Variants in MAGI1 observed in about 807,000 individuals in gnomAD.
MAGI1 encodes the protein membrane associated guanylate kinase, WW and PDZ domain containing 1, also known as membrane-associated guanylate kinase, WW and PDZ domain-containing protein 1.
MAGI1 carries 58 observed loss-of-function variants against 139.9 expected under a neutral mutation model. The observed-to-expected ratio is 0.41, with a 90% confidence interval of 0.34 to 0.52. The LOEUF is 0.52. MAGI1 is among the 20% of genes least tolerant of loss of function. The pLI is 0.12. For synonymous variants in MAGI1, 812 were observed against 737.9 expected (o/e 1.10, Z -1.63); for missense variants, 1,874 against 1,901.6 (o/e 0.99, Z 0.27).
At position 65,428,008 on chromosome 3, in the gene MAGI1, A is replaced by G. The variant is rs560178459; in HGVS notation, c.2167+1512T>C. Among the ~76,000 whole-genome samples, 34 of 152,324 alleles carry G rather than the reference A, an allele frequency of 2.2e-4. No individual in the cohort carries two copies. In the East Asian group the frequency reaches 6.0e-3, roughly 27 times the overall value. ...TTTTAAAAAAAATAAAATTTGCACA[A>G]TGCCTTTTATAACTGCCTAAGCCAG... On this transcript the variant is annotated intron_variant, in intron 12 of 22. Coordinates refer to ENST00000402939, the MANE Select transcript of MAGI1 (RefSeq NM_001033057.2).
chr3:65,687,557 G>T, intron 1 of MAGI1: 1 of 373,688 alleles, frequency 2.7e-6, no homozygotes, highest in Non-Finnish European at 5.4e-6. Flanking sequence ...CAATGTGATT[G>T]ACAATCTGTG....
chr3:65,432,557 G>A (rs933227086), intron 10 of MAGI1, among the ~76,000 whole-genome samples: 63 of 152,252 alleles, frequency 4.1e-4, no homozygotes, highest in African/African-American at 1.2e-3. Flanking sequence ...GCTCTCTAGC[G>A]CAGTCCCAAA....
chr3:65,693,687 A>C (rs1349012809), intron 1 of MAGI1, among the ~76,000 whole-genome samples: 1 of 146,298 alleles, frequency 6.8e-6, no homozygotes, highest in African/African-American at 2.5e-5. Flanking sequence ...CAGGGTATCC[A>C]TATTCAGAAC....
At chr3:65,887,431 G>A (rs9876471) in intron 1 of MAGI1, among the ~76,000 whole-genome samples, 16,979 of 143,986 alleles carry the variant, frequency 0.12, 1,112 homozygotes, top group African/African-American at 0.17. Context: ...GGGGAAATAA[G>A]ATTTCTATCT....
intron 2 of MAGI1, among the ~76,000 whole-genome samples, chr3:65,613,610 C>G (rs2083227059): frequency 6.6e-6 from 1 of 152,114 alleles, no homozygotes; most frequent in Non-Finnish European, 1.5e-5. Context: ...CACTCAGCAA[C>G]TATACAATGG....
chr3:65,450,563 T>C (rs1948971487), intron 6 of MAGI1, among the ~76,000 whole-genome samples: 2 of 152,172 alleles, frequency 1.3e-5, no homozygotes, highest in African/African-American at 2.4e-5. Flanking sequence ...TCATCAGTTT[T>C]AATGGTTTTA....
In MAGI1 at chr3:65,453,239, G is replaced by C; in HGVS notation, c.1042+19C>G. ...AGTGCCCCCAATTCACTTAACCCAAGACCTGCCTGGCCCCTTACCATCATC... is the reference window on the plus strand; with the variant it reads ...AGTGCCCCCAATTCACTTAACCCAACACCTGCCTGGCCCCTTACCATCATC... On this transcript the variant is annotated intron_variant, in intron 6 of 22. Transcript: ENST00000402939. 6.2e-7 allele frequency: 1 copy of C among 1,612,220 alleles called. No individual in the cohort carries two copies. Among genetic ancestry groups the C allele is most frequent in the Non-Finnish European group, 8.5e-7 (1 of 1,178,682 alleles).
chr3:65,501,349 G>A (rs963742451), intron 2 of MAGI1, among the ~76,000 whole-genome samples: 1 of 145,794 alleles, frequency 6.9e-6, no homozygotes, highest in Non-Finnish European at 1.5e-5. Context: ...GCAGGCACCT[G>A]TATTCTCAGC....
intron 1 of MAGI1, among the ~76,000 whole-genome samples, chr3:66,036,686 G>A (rs1004528218): frequency 6.6e-5 from 10 of 152,206 alleles, no homozygotes; most frequent in African/African-American, 2.4e-4. Context: ...CTGTTTCCAA[G>A]AGAGGACCAG....
At chr3:65,668,141 A>G (rs896313597) in intron 1 of MAGI1, among the ~76,000 whole-genome samples, 1 of 152,186 alleles carries the variant, frequency 6.6e-6, no homozygotes, top group Non-Finnish European at 1.5e-5. Context: ...CTAGGCATTT[A>G]AACTCTTTGT....
At chr3:65,546,014 A>ACTCT (rs1553665212) in intron 2 of MAGI1, among the ~76,000 whole-genome samples, 1 of 151,240 alleles carries the variant, frequency 6.6e-6, no homozygotes, top group African/African-American at 2.4e-5. Flanking sequence ...ACACACACAC[A>ACTCT]CTCTCAAACT....
intron 1 of MAGI1, among the ~76,000 whole-genome samples, chr3:66,037,250 C>G (rs1017742516): frequency 2.0e-5 from 3 of 152,170 alleles, no homozygotes; most frequent in Admixed American, 6.5e-5. Flanking sequence ...AAGTATTTTA[C>G]ACAGAGCCGG....
intron 1 of MAGI1, among the ~76,000 whole-genome samples, chr3:65,825,298 T>G (rs2042163257): frequency 1.3e-5 from 2 of 152,196 alleles, no homozygotes; most frequent in Admixed American, 1.3e-4. Flanking sequence ...ATTTGAACAA[T>G]ACTTCTTTTA....
chr3:65,773,198 A>C (rs144207096), intron 1 of MAGI1, among the ~76,000 whole-genome samples: 26 of 152,326 alleles, frequency 1.7e-4, no homozygotes, highest in African/African-American at 6.3e-4. Context: ...TAGGAGTAAT[A>C]TATTAAAACA....
At chr3:65,556,061 T>C (rs1362955216) in intron 2 of MAGI1, among the ~76,000 whole-genome samples, 1 of 152,182 alleles carries the variant, frequency 6.6e-6, no homozygotes, top group African/African-American at 2.4e-5. Flanking sequence ...AGGGAGAGAT[T>C]GTATGAGAGA....
chr3:65,972,974 A>T (rs1353581011), intron 1 of MAGI1, among the ~76,000 whole-genome samples: 1 of 151,928 alleles, frequency 6.6e-6, no homozygotes, highest in Non-Finnish European at 1.5e-5. Context: ...GTTACCAACT[A>T]CACTTTTACT....
rs80191242 is a variant in MAGI1 at position 65,891,478 on chromosome 3, T to C, written c.313+146518A>G. ...CAACGGGAAGAGAAGCCTGGGCTGC[T>C]AGCACAATAAGCCCCAACAAACTAA... On this transcript the variant is annotated intron_variant, in intron 1 of 22. Transcript: ENST00000402939. 7.4e-3 allele frequency among the ~76,000 whole-genome samples: 1,122 copies of C among 152,140 alleles called. 14 individuals are homozygous for C. The highest frequency in any genetic ancestry group is 0.026 in the African/African-American group (1,066 of 41,526).
intron 18 of MAGI1, among the ~76,000 whole-genome samples, chr3:65,375,478 C>T (rs1942427981): frequency 1.3e-5 from 2 of 152,168 alleles, no homozygotes; most frequent in Non-Finnish European, 2.9e-5. Context: ...TGAGCCACCG[C>T]ACCCGGCCTG....
In MAGI1 at chr3:65,392,929, C is replaced by G. The variant is rs1009577457; in HGVS notation, c.2200-1571G>C. On this transcript the variant is annotated intron_variant, in intron 13 of 22. Coordinates refer to ENST00000402939, the MANE Select transcript of MAGI1 (RefSeq NM_001033057.2). ...ATTTGAGGACCATATTCTAACCTAT[C>G]CTGGAGGTCTTGGGAAAACTGTATG... Among the ~76,000 whole-genome samples the G allele has an allele frequency of 2.6e-5, 4 of 152,170 alleles. No individual in the cohort carries two copies. The East Asian group carries it at 7.7e-4, about 29-fold the overall frequency.
Sources: allele counts gnomAD v4.1 joint callset (sites outside exome capture counted in the v4.1 genomes callset), GRCh38; gene constraint gnomAD v4.1.1; transcripts MANE v1.5; gene names NCBI Gene and HGNC (gene_info 2026-07-23, HGNC 2026-07-21).